Variants in SLC38A6 observed in about 807,000 individuals in gnomAD.
The protein encoded by SLC38A6 is solute carrier family 38 member 6, also known as N system amino acid transporter NAT-1.
In SLC38A6, 73 loss-of-function variants were observed where a neutral mutation model predicts 65.0. The ratio of observed to expected loss-of-function variants is 1.12; its 90% confidence interval spans 0.93 to 1.37. The LOEUF (loss-of-function observed/expected upper bound fraction) is 1.37, where lower values mean the gene tolerates loss of function less well. Among genes scored for constraint, SLC38A6 ranks in the 40% most tolerant of loss-of-function variants. SLC38A6 has a pLI of 0.00. For synonymous variants in SLC38A6, 183 were observed against 178.8 expected, an observed-to-expected ratio of 1.02 and a Z score of -0.19; for missense variants, 561 against 531.1, an observed-to-expected ratio of 1.06 and a Z score of -0.55.
chr14:61,005,146 TA>T (rs1398899501), intron 3 of SLC38A6, among the ~76,000 whole-genome samples: 1 of 151,984 alleles, frequency 6.6e-6, no homozygotes, highest in African/African-American at 2.4e-5. Context: ...CCATTCATGC[TA>T]AAAACAATAA....
At chr14:61,017,186 C>T (rs900346229) in intron 4 of SLC38A6, among the ~76,000 whole-genome samples, 1 of 152,134 alleles carries the variant, frequency 6.6e-6, no homozygotes, top group Non-Finnish European at 1.5e-5. Flanking sequence ...GGATTACAGG[C>T]ATGTGTCACC....
Position 61,046,142 on chromosome 14 carries a change from A to G in SLC38A6, c.900A>G (p.Ala300=), listed in dbSNP as rs777008124. ...GTTTTCTCATTTATTTTATATCTGC[A>G]CTCTTTGGGTACCTCACTTTTTATG... ...ALSFLIYFIS[A]LFGYLTFYDK... Residue 300 remains alanine (A), a synonymous_variant, in exon 12 of 16, where the codon GCA becomes GCG. Transcript: ENST00000267488. 6.2e-7 allele frequency: 1 copy of G among 1,605,076 alleles called. No homozygotes were observed. The highest frequency in any genetic ancestry group is 1.1e-5 in the South Asian group (1 of 90,476).
At chr14:61,023,066 T>C (rs553279040) in intron 5 of SLC38A6, among the ~76,000 whole-genome samples, 1 of 152,370 alleles carries the variant, frequency 6.6e-6, no homozygotes, top group East Asian at 1.9e-4. Flanking sequence ...GCTCAATAAG[T>C]AGTATTTGTT....
chr14:61,070,849 T>A (rs1017484540), intron 15 of SLC38A6, among the ~76,000 whole-genome samples: 4 of 152,206 alleles, frequency 2.6e-5, no homozygotes, highest in African/African-American at 9.6e-5. Flanking sequence ...CGTTTGTATG[T>A]CTTTGGGGAA....
chr14:60,997,222 G>C (rs898215069), intron 3 of SLC38A6, among the ~76,000 whole-genome samples: 2 of 152,028 alleles, frequency 1.3e-5, no homozygotes, highest in East Asian at 3.9e-4. Flanking sequence ...CACCTCCCAG[G>C]CTCAAGTGAT....
At chr14:61,012,155 T>G (rs1251016160) in intron 3 of SLC38A6, among the ~76,000 whole-genome samples, 1 of 152,258 alleles carries the variant, frequency 6.6e-6, no homozygotes, top group Non-Finnish European at 1.5e-5. Flanking sequence ...TTCTAGATTT[T>G]CTAGTTTATT....
intron 1 of SLC38A6, among the ~76,000 whole-genome samples, chr14:60,981,869 AC>A (rs1194139532): frequency 6.6e-6 from 1 of 152,114 alleles, no homozygotes; most frequent in Non-Finnish European, 1.5e-5. Flanking sequence ...CACGTTCCTG[AC>A]CCTAAAGCCT....
intron 6 of SLC38A6, among the ~76,000 whole-genome samples, chr14:61,036,701 A>T (rs868177407): frequency 5.9e-5 from 9 of 152,276 alleles, no homozygotes; most frequent in Middle Eastern, 3.4e-3. Flanking sequence ...CTTTATATCT[A>T]TTGCCAAATT....
intron 10 of SLC38A6, among the ~76,000 whole-genome samples, chr14:61,044,655 A>G (rs1034810453): frequency 6.6e-6 from 1 of 152,168 alleles, no homozygotes; most frequent in African/African-American, 2.4e-5. Flanking sequence ...ACCATCGTCT[A>G]TTTGGTAAAG....
At chr14:61,003,761 G>A (rs975294928) in intron 3 of SLC38A6, among the ~76,000 whole-genome samples, 1 of 152,132 alleles carries the variant, frequency 6.6e-6, no homozygotes, top group African/African-American at 2.4e-5. Context: ...TGTTAAGCAA[G>A]AAGCCATTAC....
chr14:61,043,615 T>C (rs995477172), intron 10 of SLC38A6, 112 bp downstream of exon 10: 2 of 681,360 alleles, frequency 2.9e-6, no homozygotes, highest in Non-Finnish European at 4.8e-6. Flanking sequence ...TTAATTTTCA[T>C]GAAAGTGCTA....
At chr14:61,007,457 C>T (rs1022974382) in intron 3 of SLC38A6, among the ~76,000 whole-genome samples, 10 of 152,046 alleles carry the variant, frequency 6.6e-5, no homozygotes, top group Admixed American at 2.0e-4. Context: ...TAGTGAAACC[C>T]TGCCTATACA....
At chr14:61,078,777 T>TATTC (rs1448833354) in intron 15 of SLC38A6, 4 of 178,818 alleles carry the variant, frequency 2.2e-5, no homozygotes, top group African/African-American at 7.2e-5. Context: ...TTTTTTATTT[T>TATTC]ATTTATTTAT....
chr14:61,082,266 C>T (rs1393611152), intron 16 of SLC38A6, among the ~76,000 whole-genome samples: 2 of 152,220 alleles, frequency 1.3e-5, no homozygotes, highest in Non-Finnish European at 1.5e-5. Context: ...TAAAACTGGT[C>T]TGCCTGTCAC....
chr14:61,045,742 C>T (rs572103518), intron 11 of SLC38A6, among the ~76,000 whole-genome samples: 14 of 152,010 alleles, frequency 9.2e-5, no homozygotes, highest in African/African-American at 2.7e-4. Flanking sequence ...AAAAAATAGC[C>T]GGACGTGGTG....
At chr14:61,052,287 G>A in intron 15 of SLC38A6, 62 bp from the exon 16 acceptor site, 1 of 1,395,874 alleles carries the variant, frequency 7.2e-7, no homozygotes, top group Non-Finnish European at 9.7e-7. Flanking sequence ...TAATCCAATT[G>A]TATTTTTTTA....
chr14:60,993,111 C>T (rs771017310), intron 3 of SLC38A6, among the ~76,000 whole-genome samples: 21 of 152,002 alleles, frequency 1.4e-4, no homozygotes, highest in South Asian at 2.1e-4. Flanking sequence ...GCCTCCCAAA[C>T]GGTTGGGATT....
chr14:61,005,965 G>T (rs2039079836), intron 3 of SLC38A6, among the ~76,000 whole-genome samples: 1 of 152,100 alleles, frequency 6.6e-6, no homozygotes, highest in South Asian at 2.1e-4. Flanking sequence ...GCATGGTACT[G>T]GTACCAAAAC....
At chr14:61,080,856 G>A (rs2043615499) in intron 16 of SLC38A6, among the ~76,000 whole-genome samples, 2 of 152,120 alleles carry the variant, frequency 1.3e-5, no homozygotes, top group South Asian at 2.1e-4. Flanking sequence ...GACAGCTCTC[G>A]GCACCTGGTT....
Sources: allele counts gnomAD v4.1 joint callset (sites outside exome capture counted in the v4.1 genomes callset), GRCh38; gene constraint gnomAD v4.1.1; transcripts MANE v1.5; gene names NCBI Gene and HGNC (gene_info 2026-07-23, HGNC 2026-07-21).